Variants in IL2RB observed in about 807,000 individuals in gnomAD.
IL2RB encodes the protein interleukin-2 receptor subunit beta.
IL2RB carries 17 observed loss-of-function variants against 44.2 expected under a neutral mutation model. The ratio of observed to expected loss-of-function variants is 0.38; its 90% confidence interval spans 0.26 to 0.58. IL2RB has a LOEUF of 0.58. IL2RB is among the 20% of genes least tolerant of loss of function. The pLI, the probability that IL2RB is intolerant of heterozygous loss-of-function variation, is 0.63. For synonymous variants in IL2RB, 286 were observed against 297.9 expected (o/e 0.96, Z 0.41); for missense variants, 624 against 685.5 (o/e 0.91, Z 1.00).
intron 9 of IL2RB, among the ~76,000 whole-genome samples, chr22:37,131,672 G>A (rs1423583839): frequency 6.6e-6 from 1 of 152,176 alleles, no homozygotes; most frequent in African/African-American, 2.4e-5. Context: ...ACAGTGGGGT[G>A]GAGAGAGCTT....
At chr22:37,135,721 G>C (rs1921656253) in intron 7 of IL2RB, among the ~76,000 whole-genome samples, 1 of 151,272 alleles carries the variant, frequency 6.6e-6, no homozygotes, top group African/African-American at 2.4e-5. Flanking sequence ...CAGCAGCCTG[G>C]GCTCCAGCTG....
chr22:37,144,534 C>G (rs1922134805), intron 1 of IL2RB, among the ~76,000 whole-genome samples: 1 of 152,206 alleles, frequency 6.6e-6, no homozygotes, highest in African/African-American at 2.4e-5. Flanking sequence ...CACCTGAGGT[C>G]AAGAGTTTGA....
At chr22:37,172,520 G>A (rs1483019297) in intron 1 of IL2RB, among the ~76,000 whole-genome samples, 1 of 152,202 alleles carries the variant, frequency 6.6e-6, no homozygotes, top group Non-Finnish European at 1.5e-5. Flanking sequence ...GTAAGGGGCT[G>A]AGGTTTTGGG....
At chr22:37,139,328 C>CTGCCTTGGGTGGCGGG in intron 4 of IL2RB, 106 bp from the exon 5 acceptor site, 1 of 719,752 alleles carries the variant, frequency 1.4e-6, no homozygotes, top group Non-Finnish European at 2.4e-6. Flanking sequence ...CCACATGCCC[C>CTGCCTTGGGTGGCGGG]GCCACCCAAG....
In IL2RB at chr22:37,126,260, G is replaced by C. The variant is rs758294117; in HGVS notation, c.*1836C>G. The C allele has an allele frequency of 4.6e-4, 70 of 152,144 alleles. No individual in the cohort carries two copies. The highest frequency in any genetic ancestry group is 1.6e-3 in the African/African-American group (68 of 41,428). 9.4% of individuals were successfully genotyped at this position (152,144 alleles called of 1,614,324 possible). On this transcript the variant is annotated 3_prime_UTR_variant, in exon 10 of 10. Coordinates refer to ENST00000216223, the MANE Select transcript of IL2RB (RefSeq NM_000878.5). ...GGAGGTGAGACTGTCCAATAATTCA[G>C]CTTTTTTCAAGGCATAGACCCAAGA...
Position 37,128,279 on chromosome 22 carries a change from C to T in IL2RB, c.1473G>A (p.Leu491=). Residue 491 remains leucine (L), a synonymous_variant, in exon 10 of 10, where the codon CTG becomes CTA. Coordinates refer to ENST00000216223, the MANE Select transcript of IL2RB (RefSeq NM_000878.5). This position sits in a 1 kb window ranked among gnomAD's most constrained non-coding sequence, Gnocchi z 4.5. ...DLVDFQPPPE[L]VLREAGEEVP... ...CCTCCTCCCCAGCCTCTCGCAGCAC[C>T]AGCTCAGGGGGTGGCTGAAAATCCA... The T allele has an allele frequency of 1.3e-6, 2 of 1,499,016 alleles. No homozygotes were observed. Among genetic ancestry groups the T allele is most frequent in the South Asian group, 2.8e-5 (2 of 72,188 alleles). 92.9% of individuals were successfully genotyped at this position (1,499,016 alleles called of 1,614,324 possible). A position where few individuals can be genotyped will look rare whatever the true frequency, so the allele number is the denominator to read the frequency against.
chr22:37,161,269 G>A (rs1922859820), intron 1 of IL2RB, among the ~76,000 whole-genome samples: 2 of 152,182 alleles, frequency 1.3e-5, no homozygotes, highest in South Asian at 4.1e-4. Context: ...ACTTTCAGAG[G>A]GAGGAGTGCA....
Position 37,141,291 on chromosome 22 carries a change from T to C in IL2RB, c.282+1143A>G, listed in dbSNP as rs1056009776. On this transcript the variant is annotated intron_variant, in intron 4 of 9. Coordinates refer to ENST00000216223, the MANE Select transcript of IL2RB (RefSeq NM_000878.5). The surrounding 1 kb of genome is among the most constrained non-coding windows in gnomAD (Gnocchi z 4.4). ...CAGGGAGCACGCAGGAGACCCACCC[T>C]CCCGGGCACAGCTGCAGCTACCCAA... is the stretch of plus-strand genomic sequence containing the variant. Among the ~76,000 whole-genome samples the C allele has an allele frequency of 3.3e-4, 50 of 152,162 alleles. No individual in the cohort carries two copies. The highest frequency in any genetic ancestry group is 1.1e-3 in the African/African-American group (47 of 41,518).
At chr22:37,164,436 G>A (rs1488868401) in intron 1 of IL2RB, among the ~76,000 whole-genome samples, 3 of 142,374 alleles carry the variant, frequency 2.1e-5, no homozygotes, top group East Asian at 2.3e-4. Context: ...CATCTGTGCC[G>A]TTCCTGCATG....
intron 1 of IL2RB, among the ~76,000 whole-genome samples, chr22:37,171,088 A>G (rs1277017421): frequency 6.6e-6 from 1 of 152,058 alleles, no homozygotes; most frequent in Admixed American, 6.5e-5. Context: ...GGTTCAAGCA[A>G]TTCTCCTGTC....
chr22:37,139,813 A>C (rs536180470), intron 4 of IL2RB, among the ~76,000 whole-genome samples: 1 of 152,194 alleles, frequency 6.6e-6, no homozygotes, highest in Non-Finnish European at 1.5e-5. Context: ...CTCAATGCAC[A>C]CAGCATCCAT....
intron 1 of IL2RB, among the ~76,000 whole-genome samples, chr22:37,172,304 C>A (rs1273080992): frequency 6.6e-6 from 1 of 151,962 alleles, no homozygotes; most frequent in South Asian, 2.1e-4. Flanking sequence ...GCCAGGGTAG[C>A]CCCAGCTCCT....
chr22:37,143,979 G>T, intron 2 of IL2RB, 106 bp downstream of exon 2: 1 of 1,481,222 alleles, frequency 6.8e-7, no homozygotes, highest in African/African-American at 1.4e-5. Context: ...GGCAGGAGGT[G>T]GACACCTGGT....
chr22:37,156,691 C>T (rs1473949319), intron 1 of IL2RB, among the ~76,000 whole-genome samples: 3 of 152,262 alleles, frequency 2.0e-5, no homozygotes, highest in Non-Finnish European at 2.9e-5. Context: ...GCCTGAGTCA[C>T]ATAGCCAACC....
At chr22:37,139,073 G>C (rs1921837717) in intron 5 of IL2RB, 44 bp downstream of exon 5, 2 of 1,279,930 alleles carry the variant, frequency 1.6e-6, no homozygotes, top group East Asian at 4.6e-5. Flanking sequence ...GAAGGAAGGA[G>C]GTGCCCAGCC....
At chr22:37,150,086 G>GCACGCACA, upstream of IL2RB, 1 of 138,376 alleles carries the variant, frequency 7.2e-6, no homozygotes, top group East Asian at 2.2e-4. Context: ...GCTGGGGGCG[G>GCACGCACA]CACACACACA....
Position 37,137,743 on chromosome 22 carries a change from CAA to C in IL2RB, c.389-10_389-9del. 6.2e-7 allele frequency: 1 copy of C among 1,613,048 alleles called. No individual in the cohort carries two copies. The highest frequency in any genetic ancestry group is 8.5e-7 in the Non-Finnish European group (1 of 1,179,202). ...TGGGGGCCATCAGGCGAACTGGAGACAACAGGGGGTAGGGGAGAGCAGTCAGC... is the reference window on the plus strand; with the variant it reads ...TGGGGGCCATCAGGCGAACTGGAGACCAGGGGGTAGGGGAGAGCAGTCAGC... On this transcript the variant is annotated splice_polypyrimidine_tract_variant and intron_variant, in intron 5 of 9. Transcript: ENST00000216223.
At chr22:37,164,130 A>G (rs16997851) in intron 1 of IL2RB, among the ~76,000 whole-genome samples, 9,528 of 152,234 alleles carry the variant, frequency 0.063, 615 homozygotes, top group East Asian at 0.16. Context: ...GCGGAAAGCA[A>G]CAGTCAGCCA....
chr22:37,137,250 C>G (rs895299692), intron 6 of IL2RB, among the ~76,000 whole-genome samples: 5 of 152,226 alleles, frequency 3.3e-5, no homozygotes, highest in African/African-American at 1.2e-4. Context: ...CAGGCCCGCA[C>G]GGATGTGGAG....
Sources: allele counts gnomAD v4.1 joint callset (sites outside exome capture counted in the v4.1 genomes callset), GRCh38; gene constraint gnomAD v4.1.1; non-coding constraint Gnocchi (gnomAD v3.1); transcripts MANE v1.5; gene names NCBI Gene and HGNC (gene_info 2026-07-23, HGNC 2026-07-21).